RSPH14: variants seen among roughly 807,000 people sequenced by gnomAD.
RSPH14 encodes rhabdoid tumor deletion region gene 1.
Under a neutral mutation model 26.7 loss-of-function variants are expected in RSPH14, and 20 were observed. The observed-to-expected ratio is 0.75, with a 90% confidence interval of 0.53 to 1.09. The LOEUF is 1.09. RSPH14 is among the 50% of genes least tolerant of loss of function. RSPH14 has a pLI of 0.00. For synonymous variants in RSPH14, 177 were observed against 189.3 expected, an observed-to-expected ratio of 0.93 and a Z score of 0.53; for missense variants, 449 against 457.2, an observed-to-expected ratio of 0.98 and a Z score of 0.16.
the RSPH14 span, chr22:23,156,065 A>G: frequency 9.4e-6 from 15 of 1,587,778 alleles, no homozygotes; most frequent in African/African-American, 1.3e-5. Context: ...GCTCAACTGC[A>G]TGCAGCAGCG....
In RSPH14 at chr22:23,059,921, C is replaced by T. The variant is rs529173657; in HGVS notation, c.791-203G>A. Among the ~76,000 whole-genome samples the T allele has an allele frequency of 5.3e-5, 8 of 152,360 alleles. No homozygotes were observed. The East Asian group carries it at 1.5e-3, about 29-fold the overall frequency. On this transcript the variant is annotated intron_variant, in intron 6 of 6. Transcript: ENST00000216036. ...CTGGGCCTGGCCTCTTCATCTCCTG[C>T]CTTTCCGGCCTCAACTGGCTCCTCT...
chr22:23,158,833 C>G, the RSPH14 span: 1 of 1,431,386 alleles, frequency 7.0e-7, no homozygotes, highest in Non-Finnish European at 9.8e-7. Context: ...CCCAAGTGTG[C>G]CCTCTGCCCC....
At chr22:23,136,617 T>G (rs773150466) in intron 3 of RSPH14, among the ~76,000 whole-genome samples, 4 of 138,734 alleles carry the variant, frequency 2.9e-5, no homozygotes, top group South Asian at 2.3e-4. Context: ...CTTACTACCA[T>G]TCATTATAAG....
the RSPH14 span, among the ~76,000 whole-genome samples, chr22:23,178,277 G>A: frequency 4.6e-5 from 7 of 152,286 alleles, no homozygotes; most frequent in South Asian, 1.0e-3. Flanking sequence ...CTAGCTGGGC[G>A]TGATGGCAGG....
the RSPH14 span, chr22:23,159,189 A>C: frequency 6.2e-7 from 1 of 1,611,196 alleles, no homozygotes; most frequent in Non-Finnish European, 8.5e-7. Flanking sequence ...AGCAGGCCGA[A>C]GCAGACGCTG....
At chr22:23,059,782 C>A (rs572491387) in intron 6 of RSPH14, 64 bp from the exon 7 acceptor site, 204 of 1,469,900 alleles carry the variant, frequency 1.4e-4, no homozygotes, top group Non-Finnish European at 1.6e-4. Flanking sequence ...CCCCCTCTCA[C>A]CCTAGCCCTC....
the RSPH14 span, among the ~76,000 whole-genome samples, chr22:23,165,885 G>A: frequency 6.6e-5 from 10 of 152,150 alleles, no homozygotes; most frequent in South Asian, 2.1e-4. Context: ...AGTGGCTCAT[G>A]CCTGTAATCC....
chr22:23,152,170 CT>C, the RSPH14 span, among the ~76,000 whole-genome samples: 1 of 152,348 alleles, frequency 6.6e-6, no homozygotes, highest in South Asian at 2.1e-4. Context: ...GCCTCTGCCC[CT>C]CCACCTGTGA....
intron 4 of RSPH14, among the ~76,000 whole-genome samples, chr22:23,105,525 A>G (rs1013504345): frequency 6.6e-6 from 1 of 152,360 alleles, no homozygotes. Context: ...GCCAGCGGCT[A>G]GGAGTGCAGA....
intron 4 of RSPH14, among the ~76,000 whole-genome samples, chr22:23,099,029 C>T (rs1032065619): frequency 2.0e-5 from 3 of 152,272 alleles, no homozygotes; most frequent in African/African-American, 4.8e-5. Context: ...GGGCCCAGTG[C>T]CAGGGCTCTG....
chr22:23,145,255 C>T (rs2070698258), upstream of RSPH14: 3 of 916,320 alleles, frequency 3.3e-6, no homozygotes, highest in Non-Finnish European at 3.3e-6. Context: ...CCGCCCACCG[C>T]CCACCCATCC....
chr22:23,076,829 G>C (rs1425334803), intron 4 of RSPH14, among the ~76,000 whole-genome samples: 1 of 152,248 alleles, frequency 6.6e-6, no homozygotes, highest in Non-Finnish European at 1.5e-5. Context: ...TCAAGGAGTG[G>C]CCTCTCAGGC....
chr22:23,126,906 A>AAC (rs1388282430), intron 4 of RSPH14, among the ~76,000 whole-genome samples: 2 of 152,240 alleles, frequency 1.3e-5, no homozygotes, highest in African/African-American at 4.8e-5. Flanking sequence ...GCAATGGGTC[A>AAC]ACAACAGTGG....
chr22:23,180,028 T>C, the RSPH14 span: 1 of 370,286 alleles, frequency 2.7e-6, no homozygotes, highest in Non-Finnish European at 5.1e-6. Flanking sequence ...CCGGTGACGC[T>C]TATGGCACTG....
chr22:23,126,913 G>A (rs1053761995), intron 4 of RSPH14, among the ~76,000 whole-genome samples: 1 of 152,254 alleles, frequency 6.6e-6, no homozygotes, highest in Non-Finnish European at 1.5e-5. Flanking sequence ...GTCAACAACA[G>A]TGGTCACGAT....
chr22:23,170,570 G>GA, the RSPH14 span, among the ~76,000 whole-genome samples: 24 of 73,054 alleles, frequency 3.3e-4, no homozygotes, highest in South Asian at 3.9e-3. Flanking sequence ...GCAACATGGT[G>GA]AAAAAAAAAC....
intron 4 of RSPH14, among the ~76,000 whole-genome samples, chr22:23,086,137 A>G (rs987881563): frequency 2.0e-5 from 3 of 152,232 alleles, no homozygotes; most frequent in Admixed American, 6.5e-5. Flanking sequence ...TATGAAGTAC[A>G]TTTTTTAAGT....
chr22:23,159,395 TGCTGTGCTG>T, the RSPH14 span: 12 of 815,980 alleles, frequency 1.5e-5, no homozygotes, highest in East Asian at 2.7e-4. Flanking sequence ...ATCACAGCCC[TGCTGTGCTG>T]GTGCCTGGCA....
chr22:23,086,946 G>C (rs2068835979), intron 4 of RSPH14, among the ~76,000 whole-genome samples: 2 of 152,244 alleles, frequency 1.3e-5, no homozygotes, highest in Non-Finnish European at 2.9e-5. Flanking sequence ...CATGGCTGGG[G>C]CAGGACAGGG....
Sources: gnomAD v4.1 joint callset for allele counts (sites outside exome capture counted in the v4.1 genomes callset) on GRCh38, gnomAD v4.1.1 for gene constraint, MANE v1.5 for transcripts, NCBI Gene and HGNC (gene_info 2026-07-23, HGNC 2026-07-21) for gene names.